The following LIMS1 variants were observed in gnomAD, a reference collection of about 807,000 sequenced individuals.
The protein encoded by LIMS1 is LIM and senescent cell antigen-like-containing domain protein 1.
A neutral mutation model predicts 44.1 loss-of-function variants in LIMS1; 18 were observed. The ratio of observed to expected loss-of-function variants is 0.41; its 90% CI spans 0.28 to 0.61. The LOEUF (loss-of-function observed/expected upper bound fraction) is 0.61, where lower values mean the gene tolerates loss of function less well. Among genes scored for constraint, LIMS1 ranks in the 20% least tolerant of loss-of-function variants. The probability of loss-of-function intolerance (pLI) is 0.32; values close to 1 mark genes in which losing one functional copy is unlikely to be tolerated. For synonymous variants in LIMS1, 93 were observed against 149.1 expected (o/e 0.62, Z 2.74); for missense variants, 201 against 422.0 (o/e 0.48, Z 4.59).
At chr2:108,541,159 C>A (rs1391137439) in intron 1 of LIMS1, among the ~76,000 whole-genome samples, 3 of 152,170 alleles carry the variant, frequency 2.0e-5, no homozygotes, top group Non-Finnish European at 4.4e-5. Flanking sequence ...TTTTTCCTCC[C>A]CAGAGAGATC....
chr2:108,667,204 C>G (rs1471190671), intron 2 of LIMS1, among the ~76,000 whole-genome samples: 1 of 152,172 alleles, frequency 6.6e-6, no homozygotes, highest in East Asian at 1.9e-4. Context: ...ACAAAGACAT[C>G]ACTTTTAAGA....
chr2:108,663,595 T>C (rs1691522648), intron 2 of LIMS1, among the ~76,000 whole-genome samples: 1 of 152,154 alleles, frequency 6.6e-6, no homozygotes, highest in South Asian at 2.1e-4. Context: ...AGGGACCTGG[T>C]GTGCAGCTGA....
At chr2:108,588,260 C>T in intron 1 of LIMS1, 1 of 815,324 alleles carries the variant, frequency 1.2e-6, no homozygotes, top group Non-Finnish European at 1.4e-6. Flanking sequence ...CATGATTTGA[C>T]TAAATACAGG....
At chr2:108,554,621 C>T (rs1558785486) in intron 1 of LIMS1, among the ~76,000 whole-genome samples, 1 of 152,130 alleles carries the variant, frequency 6.6e-6, no homozygotes, top group Admixed American at 6.6e-5. Flanking sequence ...TTCTGGATGC[C>T]TCAGGGTAAT....
At chr2:108,543,706 C>T (rs934327011) in intron 1 of LIMS1, among the ~76,000 whole-genome samples, 5 of 152,164 alleles carry the variant, frequency 3.3e-5, no homozygotes, top group East Asian at 1.9e-4. Flanking sequence ...TAATCACTTA[C>T]GTCTTCAGGT....
At chr2:108,607,012 A>G (rs775023892) in intron 1 of LIMS1, 15 of 576,550 alleles carry the variant, frequency 2.6e-5, no homozygotes, top group Admixed American at 9.4e-5. Context: ...CCCAAAATTC[A>G]TATGTTGAAC....
chr2:108,612,625 C>G (rs1687716433), intron 1 of LIMS1, among the ~76,000 whole-genome samples: 1 of 152,120 alleles, frequency 6.6e-6, no homozygotes, highest in Admixed American at 6.5e-5. Flanking sequence ...CTTTTGCCTC[C>G]AAACCTGCAG....
chr2:108,586,244 A>G (rs1479934401), intron 1 of LIMS1, among the ~76,000 whole-genome samples: 2 of 152,158 alleles, frequency 1.3e-5, no homozygotes, highest in Non-Finnish European at 2.9e-5. Flanking sequence ...GGTGTCTGAA[A>G]AGAGAGAGCT....
chr2:108,621,144 C>A, intron 1 of LIMS1: 1 of 784,896 alleles, frequency 1.3e-6, no homozygotes, highest in Non-Finnish European at 1.9e-6. Context: ...GGTGCGAGGC[C>A]CAGAGATAAG....
At chr2:108,670,197 G>C (rs1056132922) in intron 2 of LIMS1, among the ~76,000 whole-genome samples, 25 of 152,180 alleles carry the variant, frequency 1.6e-4, no homozygotes, top group African/African-American at 6.0e-4. Context: ...ATTTTAAAAT[G>C]TGCTAGGGCT....
intron 1 of LIMS1, among the ~76,000 whole-genome samples, chr2:108,563,492 GGAA>G (rs1222095672): frequency 6.6e-6 from 1 of 151,788 alleles, no homozygotes; most frequent in African/African-American, 2.4e-5. Flanking sequence ...AGACTTCAGT[GGAA>G]GAAGTAACTG....
intron 1 of LIMS1, among the ~76,000 whole-genome samples, chr2:108,552,569 A>G (rs949197866): frequency 5.8e-5 from 7 of 121,650 alleles, no homozygotes; most frequent in Non-Finnish European, 1.0e-4. Flanking sequence ...TTTGGGGTGT[A>G]TATATATATA....
chr2:108,637,845 A>G (rs542704364), intron 1 of LIMS1, among the ~76,000 whole-genome samples: 10 of 147,436 alleles, frequency 6.8e-5, no homozygotes, highest in South Asian at 4.4e-4. Context: ...CACCTAACCT[A>G]TGAGAGAAAA....
At chr2:108,679,047 G>A (rs752711341) in intron 8 of LIMS1, among the ~76,000 whole-genome samples, 24 of 152,104 alleles carry the variant, frequency 1.6e-4, no homozygotes, top group African/African-American at 4.6e-4. Flanking sequence ...CCAAACATCC[G>A]TGGATTCAAC....
At chr2:108,626,986 A>G (rs145494579) in intron 1 of LIMS1, among the ~76,000 whole-genome samples, 15 of 152,352 alleles carry the variant, frequency 9.8e-5, no homozygotes, top group African/African-American at 2.9e-4. Flanking sequence ...CCCTATGCAG[A>G]TGTACCATTT....
At chr2:108,681,890 CAA>C (rs1168776329) in intron 9 of LIMS1, among the ~76,000 whole-genome samples, 6 of 122,284 alleles carry the variant, frequency 4.9e-5, no homozygotes, top group Admixed American at 1.7e-4. Flanking sequence ...GACTCTGTCT[CAA>C]AAAAAAAAAA....
chr2:108,646,656 G>A (rs551207603), intron 1 of LIMS1, among the ~76,000 whole-genome samples: 64 of 152,254 alleles, frequency 4.2e-4, no homozygotes, highest in Non-Finnish European at 7.2e-4. Context: ...ATAGATACAC[G>A]AAAAACCCTT....
intron 1 of LIMS1, among the ~76,000 whole-genome samples, chr2:108,601,115 G>A (rs1278751597): frequency 6.6e-6 from 1 of 152,080 alleles, no homozygotes; most frequent in Non-Finnish European, 1.5e-5. Flanking sequence ...GGAGATGCCT[G>A]AGGGGGGAAG....
At chr2:108,575,665 C>T (rs1475785355) in intron 1 of LIMS1, among the ~76,000 whole-genome samples, 2 of 152,192 alleles carry the variant, frequency 1.3e-5, no homozygotes, top group South Asian at 2.1e-4. Flanking sequence ...TTTGCTGCAG[C>T]CCACCTCTTG....
Sources: allele counts gnomAD v4.1 joint callset (sites outside exome capture counted in the v4.1 genomes callset), GRCh38; gene constraint gnomAD v4.1.1; transcripts MANE v1.5; gene names NCBI Gene and HGNC (gene_info 2026-07-23, HGNC 2026-07-21).